Variants in TAB2 observed in about 807,000 individuals in gnomAD.
TAB2 encodes TGF-beta-activated kinase 1 and MAP3K7-binding protein 2.
A neutral mutation model predicts 65.0 loss-of-function variants in TAB2; 3 were observed. The ratio of observed to expected loss-of-function variants is 0.05; its 90% CI spans 0.02 to 0.12. The LOEUF is 0.12. Ranked by LOEUF, TAB2 falls within the 10% of genes least tolerant of loss-of-function variation. The pLI is 1.00. For synonymous variants in TAB2, 298 were observed against 285.1 expected, an observed-to-expected ratio of 1.05 and a Z score of -0.46; for missense variants, 623 against 840.3, an observed-to-expected ratio of 0.74 and a Z score of 3.20.
At chr6:149,384,008 C>T (rs937547032) in intron 3 of TAB2, among the ~76,000 whole-genome samples, 2 of 152,164 alleles carry the variant, frequency 1.3e-5, no homozygotes, top group Admixed American at 6.5e-5. Flanking sequence ...AGTTACTAAA[C>T]GGGGTGGCCT....
At chr6:149,395,639 T>C (rs1224376827) in intron 3 of TAB2, among the ~76,000 whole-genome samples, 1 of 152,198 alleles carries the variant, frequency 6.6e-6, no homozygotes, top group Non-Finnish European at 1.5e-5. Flanking sequence ...ATTTTCACTT[T>C]GTTTTAGACA....
intron 1 of TAB2, among the ~76,000 whole-genome samples, chr6:149,369,395 T>C (rs373544356): frequency 4.7e-4 from 71 of 152,314 alleles, no homozygotes; most frequent in African/African-American, 1.6e-3. Context: ...AAAATGCTAC[T>C]AAGCTCCTAA....
At chr6:149,306,119 T>C (rs563800511) in intron 1 of TAB2, among the ~76,000 whole-genome samples, 6 of 152,306 alleles carry the variant, frequency 3.9e-5, no homozygotes, top group African/African-American at 1.4e-4. Flanking sequence ...GAAAACTTGC[T>C]ATGTGGCCAG....
intron 1 of TAB2, among the ~76,000 whole-genome samples, chr6:149,262,314 C>T (rs1044817669): frequency 1.3e-5 from 2 of 152,200 alleles, no homozygotes; most frequent in Non-Finnish European, 2.9e-5. Context: ...GGGAGGATCA[C>T]TTGAGATCAG....
At chr6:149,247,707 T>G (rs1305958401) in intron 1 of TAB2, 1 of 152,246 alleles carries the variant, frequency 6.6e-6, no homozygotes, top group Non-Finnish European at 1.5e-5. Flanking sequence ...TGGAGGTGTC[T>G]GTCTGTTATT....
chr6:149,253,169 A>G (rs1249594466), intron 1 of TAB2: 1 of 152,276 alleles, frequency 6.6e-6, no homozygotes, highest in Non-Finnish European at 1.5e-5. Context: ...TCCCCTTGTC[A>G]GTACTTGGCT....
At chr6:149,330,324 A>G (rs1332434428) in intron 1 of TAB2, among the ~76,000 whole-genome samples, 1 of 152,192 alleles carries the variant, frequency 6.6e-6, no homozygotes, top group Non-Finnish European at 1.5e-5. Context: ...CCAAGAGTGC[A>G]GTTGTTGGGT....
At chr6:149,334,704 GTAGAACAAGCA>G in intron 1 of TAB2, among the ~76,000 whole-genome samples, 1 of 151,852 alleles carries the variant, frequency 6.6e-6, no homozygotes, top group Non-Finnish European at 1.5e-5. Context: ...AACCTTAAGA[GTAGAACAAGCA>G]GTCAAACAAG....
Position 149,357,421 on chromosome 6 carries a change from GAAAA to G in TAB2, c.-89-12481_-89-12478del, listed in dbSNP as rs1244546884. On this transcript the variant is annotated intron_variant, in intron 1 of 6. Transcript: ENST00000637181. ...ATAGAGGGAGACTCCGTCTCAAGGA[GAAAA>G]AAAAAACACACACACACACACACAC... 2.4e-3 allele frequency among the ~76,000 whole-genome samples: 262 copies of G among 108,440 alleles called. 8 individuals carry two copies. Among genetic ancestry groups the G allele is most frequent in the African/African-American group, 9.9e-3 (253 of 25,530 alleles). The allele number at this position is 108,440 out of a possible 152,430, so 71.1% of individuals were successfully genotyped here.
At chr6:149,402,977 G>C (rs1007180199) in intron 6 of TAB2, among the ~76,000 whole-genome samples, 1 of 152,016 alleles carries the variant, frequency 6.6e-6, no homozygotes, top group African/African-American at 2.4e-5. Flanking sequence ...GCTCACACCT[G>C]TAATCCTAGC....
chr6:149,324,679 T>C (rs1779546876), intron 1 of TAB2, among the ~76,000 whole-genome samples: 1 of 152,144 alleles, frequency 6.6e-6, no homozygotes, highest in South Asian at 2.1e-4. Flanking sequence ...AAACTTGAAC[T>C]CAGCAACTTG....
intron 1 of TAB2, among the ~76,000 whole-genome samples, chr6:149,275,228 G>GAGAT (rs1583059798): frequency 8.7e-6 from 1 of 114,876 alleles, no homozygotes; most frequent in East Asian, 2.3e-4. Context: ...GGAGGGGGGA[G>GAGAT]AGAGAGAGAA....
At chr6:149,317,338 T>TA (rs1779280645), upstream of TAB2, among the ~76,000 whole-genome samples, 1 of 151,384 alleles carries the variant, frequency 6.6e-6, no homozygotes. This position sits in a 1 kb window ranked among gnomAD's most constrained non-coding sequence, Gnocchi z 4.7. Flanking sequence ...CCTCCAGCCC[T>TA]AGCAAGACAG....
chr6:149,286,265 GA>G (rs1778675385), intron 1 of TAB2, among the ~76,000 whole-genome samples: 1 of 152,134 alleles, frequency 6.6e-6, no homozygotes, highest in Non-Finnish European at 1.5e-5. Flanking sequence ...CACAGAATAT[GA>G]AAAACTATTT....
chr6:149,391,536 T>C (rs1781984341), intron 3 of TAB2, among the ~76,000 whole-genome samples: 1 of 152,078 alleles, frequency 6.6e-6, no homozygotes, highest in Non-Finnish European at 1.5e-5. Context: ...TTTGTCTTTC[T>C]TGGGGGTATC....
intron 1 of TAB2, chr6:149,255,523 C>A (rs1778006392): frequency 6.6e-6 from 1 of 152,176 alleles, no homozygotes; most frequent in Non-Finnish European, 1.5e-5. Context: ...GCAGAATGTG[C>A]AATTTGCTGC....
intron 1 of TAB2, among the ~76,000 whole-genome samples, chr6:149,263,773 TG>T (rs1339763495): frequency 6.6e-6 from 1 of 152,208 alleles, no homozygotes; most frequent in Non-Finnish European, 1.5e-5. Flanking sequence ...AAGAATATTA[TG>T]GGACAGGCCA....
rs1249040201 is a variant in TAB2, at chr6:149,411,575, T to C, written c.*1856T>C. The C allele has an allele frequency of 6.5e-6, 1 of 153,526 alleles. No individual in the cohort carries two copies. Among genetic ancestry groups the C allele is most frequent in the Non-Finnish European group, 1.5e-5 (1 of 68,038 alleles). The allele number at this position is 153,526 out of a possible 1,614,324, so 9.5% of individuals were successfully genotyped here. ...GTAAACTATCTTTGTAACAGATAAG[T>C]TATTTATAAAAATTAAAAAACTTAT... On this transcript the variant is annotated 3_prime_UTR_variant, in exon 7 of 7. Coordinates refer to ENST00000637181, the MANE Select transcript of TAB2 (RefSeq NM_001292034.3).
chr6:149,369,699 C>A (rs1781156427), intron 1 of TAB2, among the ~76,000 whole-genome samples: 1 of 152,130 alleles, frequency 6.6e-6, no homozygotes, highest in Non-Finnish European at 1.5e-5. Flanking sequence ...CATATAAATA[C>A]ATAAGAGTTA....
Sources: gnomAD v4.1 joint callset for allele counts (sites outside exome capture counted in the v4.1 genomes callset) on GRCh38, gnomAD v4.1.1 for gene constraint, Gnocchi (gnomAD v3.1) non-coding constraint, MANE v1.5 for transcripts, NCBI Gene and HGNC (gene_info 2026-07-23, HGNC 2026-07-21) for gene names.